The following SSBP4 variants were observed in gnomAD, a reference collection of about 807,000 sequenced individuals.
SSBP4 encodes single-stranded DNA-binding protein 4.
SSBP4 carries 33 observed loss-of-function variants against 64.6 expected under a neutral mutation model. The ratio of observed to expected loss-of-function variants is 0.51; its 90% CI spans 0.39 to 0.68. The LOEUF (loss-of-function observed/expected upper bound fraction) is 0.68, where lower values mean the gene tolerates loss of function less well. SSBP4 is among the 30% of genes least tolerant of loss of function. The pLI is 0.00. For synonymous variants in SSBP4, 243 were observed against 224.0 expected, an observed-to-expected ratio of 1.08 and a Z score of -0.76; for missense variants, 583 against 566.8, an observed-to-expected ratio of 1.03 and a Z score of -0.29.
rs2144665818 is a variant in SSBP4, at chr19:18,419,525, T to G, written c.-124T>G. 1 of 1,121,528 alleles carries G rather than the reference T, an allele frequency of 8.9e-7. No individual in the cohort carries two copies. The highest frequency in any genetic ancestry group is 3.8e-4 in the Middle Eastern group (1 of 2,610). The allele number at this position is 1,121,528 out of a possible 1,614,324, so 69.5% of individuals were successfully genotyped here. Reference sequence around the variant, plus strand: ...GGAGCTCCCCCGCGCGGACGATGCCTGCCGTGCCCGCCTGGGGCTCGGGGC... The same window carrying G: ...GGAGCTCCCCCGCGCGGACGATGCCGGCCGTGCCCGCCTGGGGCTCGGGGC... On this transcript the variant is annotated 5_prime_UTR_variant, in exon 1 of 18. Coordinates refer to ENST00000270061, the MANE Select transcript of SSBP4 (RefSeq NM_032627.5).
chr19:18,411,436 A>C, the SSBP4 span, among the ~76,000 whole-genome samples: 1 of 152,144 alleles, frequency 6.6e-6, no homozygotes, highest in Non-Finnish European at 1.5e-5. Context: ...GGGAGGTTGC[A>C]GTGAGTCAAG....
chr19:18,430,452 G>A (rs1973267721), intron 4 of SSBP4, among the ~76,000 whole-genome samples: 1 of 152,164 alleles, frequency 6.6e-6, no homozygotes, highest in Non-Finnish European at 1.5e-5. Context: ...AGGGTGGGGT[G>A]GGGCAGGGGT....
At chr19:18,432,667 T>C (rs1449984781) in intron 11 of SSBP4, 33 bp from the exon 12 acceptor site, 2 of 1,558,518 alleles carry the variant, frequency 1.3e-6, no homozygotes, top group South Asian at 2.4e-5. Context: ...GTGAGCCGCC[T>C]GGCTGACTGC....
rs1415673548 is a variant in SSBP4, at chr19:18,430,859, A to G, written c.298A>G (p.Ser100Gly). The G allele has an allele frequency of 6.2e-7, 1 of 1,612,676 alleles. No homozygotes were observed. Among genetic ancestry groups the G allele is most frequent in the Non-Finnish European group, 8.5e-7 (1 of 1,179,564 alleles). The change falls in exon 5 of 18, where the codon AGC becomes GGC. Residue 100 changes from serine (S) to glycine (G), a missense_variant. This residue lies in a region of SSBP4 where 444 missense variants were observed against 386.6 expected (regional missense o/e 1.15). Coordinates refer to ENST00000270061, the MANE Select transcript of SSBP4 (RefSeq NM_032627.5). ...FQDYSAAAAP[S>G]PVMGSMAPGD... ...CTTACAGAGTGCTGCAGCCGCCCCC[A>G]GCCCCGTTATGGGGAGTATGGCCCC...
chr19:18,430,017 T>C (rs1973216720), intron 4 of SSBP4, among the ~76,000 whole-genome samples: 1 of 152,136 alleles, frequency 6.6e-6, no homozygotes, highest in Admixed American at 6.5e-5. Flanking sequence ...TGAGCCCAAG[T>C]GGCTGTAGTT....
At position 18,427,283 on chromosome 19, in the gene SSBP4, T is replaced by G; in HGVS notation, c.60-68T>G. On this transcript the variant is annotated intron_variant, in intron 1 of 17. Coordinates refer to ENST00000270061, the MANE Select transcript of SSBP4 (RefSeq NM_032627.5). The surrounding 1 kb of genome is among the most constrained non-coding windows in gnomAD (Gnocchi z 4.4). The stretch of plus-strand genomic sequence containing the variant: ...CCTTTCCACCCGCCCTCCTGAGAGA[T>G]GGAGGGGCTTTGGGGTGGGCCCTTG... 1.3e-6 allele frequency: 2 copies of G among 1,540,096 alleles called. No individual in the cohort carries two copies. The highest frequency in any genetic ancestry group is 1.8e-6 in the Non-Finnish European group (2 of 1,129,692).
chr19:18,409,565 G>C, the SSBP4 span, among the ~76,000 whole-genome samples: 3 of 152,070 alleles, frequency 2.0e-5, no homozygotes, highest in African/African-American at 7.2e-5. Context: ...CAAAAAATTA[G>C]AGTCAAGGAG....
At chr19:18,433,845 G>A (rs1488185831) in intron 17 of SSBP4, 28 bp downstream of exon 17, 2 of 1,340,738 alleles carry the variant, frequency 1.5e-6, no homozygotes, top group African/African-American at 2.0e-5. Flanking sequence ...CTCCCCCCCC[G>A]CGGCGGCGTC....
At chr19:18,422,361 A>G (rs1176288224) in intron 1 of SSBP4, among the ~76,000 whole-genome samples, 2 of 152,120 alleles carry the variant, frequency 1.3e-5, no homozygotes, top group African/African-American at 4.8e-5. Flanking sequence ...TCGGGACTCA[A>G]GGCTCTCGGA....
the SSBP4 span, among the ~76,000 whole-genome samples, chr19:18,411,148 T>A: frequency 2.0e-5 from 3 of 152,132 alleles, no homozygotes; most frequent in South Asian, 6.2e-4. Context: ...CCTGCCCGCA[T>A]GGAGCTCAAG....
chr19:18,415,192 C>G (rs1469074246), upstream of SSBP4, among the ~76,000 whole-genome samples: 1 of 152,144 alleles, frequency 6.6e-6, no homozygotes, highest in Non-Finnish European at 1.5e-5. Context: ...TGAGAGGAAA[C>G]GGTCTCCTAG....
chr19:18,412,416 G>A, the SSBP4 span, among the ~76,000 whole-genome samples: 3 of 141,478 alleles, frequency 2.1e-5, no homozygotes, highest in Non-Finnish European at 4.5e-5. Context: ...AGTCGAGATC[G>A]CACCACGGCA....
intron 10 of SSBP4, 109 bp downstream of exon 10, chr19:18,432,323 T>G: frequency 7.0e-7 from 1 of 1,426,396 alleles, no homozygotes; most frequent in African/African-American, 1.4e-5. Flanking sequence ...TTGGATATTG[T>G]TTATTTCATG....
chr19:18,425,470 C>A (rs1008667148), intron 1 of SSBP4, among the ~76,000 whole-genome samples: 2 of 152,174 alleles, frequency 1.3e-5, no homozygotes, highest in African/African-American at 4.8e-5. Flanking sequence ...GGAACCTGCT[C>A]ACCCTGGCCT....
rs1038134650 is a variant in SSBP4 at position 18,426,904 on chromosome 19, G to A, written c.60-447G>A. ...AAGGAAGAGATGGGGTCCAGGGACT[G>A]CAGGGGATGTGGGGTGGAGGACCCC... is the stretch of plus-strand genomic sequence containing the variant. On this transcript the variant is annotated intron_variant, in intron 1 of 17. Transcript: ENST00000270061. This position sits in a 1 kb window ranked among gnomAD's most constrained non-coding sequence, Gnocchi z 4.5. 2.6e-5 allele frequency among the ~76,000 whole-genome samples: 4 copies of A among 152,176 alleles called. No homozygotes were observed. Among genetic ancestry groups the A allele is most frequent in the Non-Finnish European group, 5.9e-5 (4 of 68,016 alleles).
At position 18,428,413 on chromosome 19, in the gene SSBP4, G is replaced by A. The variant is rs1973030316; in HGVS notation, c.279+431G>A. Among the ~76,000 whole-genome samples the A allele has an allele frequency of 3.9e-5, 6 of 152,304 alleles. No individual in the cohort carries two copies. In the South Asian group the frequency reaches 1.2e-3, roughly 32 times the overall value. ...ACAGGTCGGGGTGCCTGATGGGCCA[G>A]GCACTGGGACACTTTCTGACCTTGC... On this transcript the variant is annotated intron_variant, in intron 4 of 17. Coordinates refer to ENST00000270061, the MANE Select transcript of SSBP4 (RefSeq NM_032627.5).
the SSBP4 span, among the ~76,000 whole-genome samples, chr19:18,409,412 C>G: frequency 6.6e-6 from 1 of 152,156 alleles, no homozygotes; most frequent in Non-Finnish European, 1.5e-5. Context: ...TTCTCGAACT[C>G]CTCAGCTCAG....
Position 18,427,606 on chromosome 19 carries a change from C to A in SSBP4, c.133-146C>A. 1 of 1,181,216 alleles carries A rather than the reference C, an allele frequency of 8.5e-7. No homozygotes were observed. Among genetic ancestry groups the A allele is most frequent in the Non-Finnish European group, 1.2e-6 (1 of 856,144 alleles). 73.2% of individuals were successfully genotyped at this position (1,181,216 alleles called of 1,614,324 possible). ...ATCTGGTCCACATGCCCAGCCGGGACCTGCCACACATCCTGGGGCCCTCTG... is the reference window on the plus strand; with the variant it reads ...ATCTGGTCCACATGCCCAGCCGGGAACTGCCACACATCCTGGGGCCCTCTG... On this transcript the variant is annotated intron_variant, in intron 2 of 17. Coordinates refer to ENST00000270061, the MANE Select transcript of SSBP4 (RefSeq NM_032627.5). The surrounding 1 kb of genome is among the most constrained non-coding windows in gnomAD (Gnocchi z 4.4).
rs757867979 is a variant in SSBP4 at position 18,430,796 on chromosome 19, C to T, written c.280-45C>T. 3.9e-6 allele frequency: 6 copies of T among 1,558,270 alleles called. No homozygotes were observed. In the South Asian group the frequency reaches 6.9e-5, roughly 18 times the overall value. ...GGGGCACACCCCAGGTAGGAAGTGT[C>T]CAGGTGTCCTGACCTGGCCCTCTGG... is the stretch of plus-strand genomic sequence containing the variant. On this transcript the variant is annotated intron_variant, in intron 4 of 17. Transcript: ENST00000270061.
Sources: gnomAD v4.1 joint callset for allele counts (sites outside exome capture counted in the v4.1 genomes callset) on GRCh38, gnomAD v4.1.1 for gene constraint, gnomAD v4.1.1 regional missense constraint, Gnocchi (gnomAD v3.1) non-coding constraint, MANE v1.5 for transcripts, NCBI Gene and HGNC (gene_info 2026-07-23, HGNC 2026-07-21) for gene names.